Variants in TMEM156 observed in about 807,000 individuals in gnomAD.
TMEM156 encodes the protein transmembrane protein 156.
A neutral mutation model predicts 30.5 loss-of-function variants in TMEM156; 28 were observed. That is an observed-to-expected ratio of 0.92 (90% CI 0.68 to 1.26). The LOEUF (loss-of-function observed/expected upper bound fraction) is 1.26, where lower values mean the gene tolerates loss of function less well. TMEM156 is among the 50% of genes most tolerant of loss of function. The probability of loss-of-function intolerance (pLI) is 0.00; values close to 1 mark genes in which losing one functional copy is unlikely to be tolerated. For synonymous variants in TMEM156, 137 were observed against 119.9 expected, an observed-to-expected ratio of 1.14 and a Z score of -0.93; for missense variants, 351 against 340.6, an observed-to-expected ratio of 1.03 and a Z score of -0.24.
chr4:39,003,894 GTCT>G (rs1713550127), intron 1 of TMEM156, among the ~76,000 whole-genome samples: 1 of 152,208 alleles, frequency 6.6e-6, no homozygotes, highest in East Asian at 1.9e-4. Flanking sequence ...CAATAGTGTA[GTCT>G]TCTTATTCAA....
intron 4 of TMEM156, among the ~76,000 whole-genome samples, chr4:38,987,079 T>C (rs899273539): frequency 2.0e-5 from 3 of 152,200 alleles, no homozygotes; most frequent in African/African-American, 7.2e-5. Context: ...TCCCCACTAC[T>C]GGTCTCCTTC....
chr4:39,025,746 C>A (rs1252046577), intron 1 of TMEM156, among the ~76,000 whole-genome samples: 2 of 152,078 alleles, frequency 1.3e-5, no homozygotes, highest in African/African-American at 4.8e-5. Flanking sequence ...AAGAAAATGG[C>A]AGGAAAATGA....
intron 1 of TMEM156, among the ~76,000 whole-genome samples, chr4:39,027,077 T>A (rs1715244126): frequency 6.6e-6 from 1 of 152,226 alleles, no homozygotes; most frequent in Non-Finnish European, 1.5e-5. Context: ...TAGAAATATT[T>A]GACACATTAC....
At chr4:38,981,529 T>C (rs989951917) in intron 5 of TMEM156, among the ~76,000 whole-genome samples, 10 of 152,194 alleles carry the variant, frequency 6.6e-5, no homozygotes, top group Admixed American at 6.5e-4. Context: ...AGGAAGGCTT[T>C]TGATCTGTGG....
chr4:39,000,508 C>T (rs1713263863), intron 1 of TMEM156, among the ~76,000 whole-genome samples: 2 of 152,168 alleles, frequency 1.3e-5, no homozygotes, highest in South Asian at 4.1e-4. Context: ...GATAAGCCTG[C>T]TAATCTCATG....
intron 1 of TMEM156, among the ~76,000 whole-genome samples, chr4:39,019,485 A>G (rs1296721826): frequency 6.7e-6 from 1 of 148,708 alleles, no homozygotes; most frequent in Non-Finnish European, 1.5e-5. Flanking sequence ...GTGGCAGAGC[A>G]TTGGATCTCC....
chr4:39,032,183 T>G (rs1715562953), intron 1 of TMEM156, 43 bp downstream of exon 1: 1 of 1,319,498 alleles, frequency 7.6e-7, no homozygotes, highest in African/African-American at 1.5e-5. Flanking sequence ...CACTAATTTT[T>G]TTAAATTAAG....
intron 4 of TMEM156, among the ~76,000 whole-genome samples, 169 bp downstream of exon 4, chr4:38,988,682 G>C (rs1385233676): frequency 2.0e-5 from 3 of 152,144 alleles, no homozygotes; most frequent in Admixed American, 2.0e-4. Flanking sequence ...GATGAATGAA[G>C]CTCCTTGCAT....
intron 6 of TMEM156, 112 bp downstream of exon 6, chr4:38,970,920 T>C: frequency 1.5e-6 from 1 of 654,132 alleles, no homozygotes; most frequent in Non-Finnish European, 2.6e-6. Context: ...CTTTGCAAAT[T>C]CATCATTTTC....
chr4:38,997,367 C>T (rs1162970473), intron 2 of TMEM156, among the ~76,000 whole-genome samples: 1 of 152,182 alleles, frequency 6.6e-6, no homozygotes, highest in Non-Finnish European at 1.5e-5. Context: ...GCCCAAGCCT[C>T]ACAATTATAC....
At chr4:38,999,698 T>A (rs28667434) in intron 1 of TMEM156, among the ~76,000 whole-genome samples, 1,585 of 152,304 alleles carry the variant, frequency 0.01, 30 homozygotes, top group African/African-American at 0.036. Flanking sequence ...TTGTACTACC[T>A]CTGGAGGTTC....
chr4:39,015,926 T>C (rs1293509046), intron 1 of TMEM156, among the ~76,000 whole-genome samples: 2 of 152,310 alleles, frequency 1.3e-5, no homozygotes, highest in South Asian at 2.1e-4. Context: ...CCTTCCACCA[T>C]GATTATGAGG....
rs1349215271 is a variant in TMEM156, at chr4:38,989,026, G to A, written c.620-56C>T. On this transcript the variant is annotated intron_variant, in intron 3 of 6. Transcript: ENST00000381938. ...AGTAAAATTATTCAACAGATAAAAG[G>A]CAATGTGGCAGTGTAGCTGAGTTCT... is the stretch of plus-strand genomic sequence containing the variant. 108 of 1,559,026 alleles carry A rather than the reference G, an allele frequency of 6.9e-5. 1 individual carries two copies. Among genetic ancestry groups the A allele is most frequent in the Non-Finnish European group, 9.4e-5 (108 of 1,144,700 alleles).
intron 5 of TMEM156, among the ~76,000 whole-genome samples, chr4:38,986,095 A>G (rs897296419): frequency 2.0e-5 from 3 of 152,364 alleles, no homozygotes; most frequent in Admixed American, 2.0e-4. Flanking sequence ...GCCTACTCAC[A>G]TGAATTTCTT....
At chr4:39,027,129 C>T (rs919884364) in intron 1 of TMEM156, among the ~76,000 whole-genome samples, 7 of 152,058 alleles carry the variant, frequency 4.6e-5, no homozygotes, top group Non-Finnish European at 1.0e-4. Flanking sequence ...AAGTACTTGG[C>T]ATATTACTGG....
intron 4 of TMEM156, 136 bp from the exon 5 acceptor site, chr4:38,986,555 TC>T (rs1326314179): frequency 1.6e-6 from 1 of 634,840 alleles, no homozygotes; most frequent in Non-Finnish European, 2.8e-6. Context: ...ACGCCTGTAA[TC>T]CCAGCACTTT....
intron 1 of TMEM156, among the ~76,000 whole-genome samples, chr4:38,999,110 AT>A (rs34889728): frequency 0.36 from 37,332 of 103,354 alleles, 5,528 homozygotes; most frequent in African/African-American, 0.48. Context: ...TTATTTATTT[AT>A]TTTTTTTTTT....
intron 1 of TMEM156, among the ~76,000 whole-genome samples, chr4:39,009,846 G>C (rs1273066868): frequency 6.6e-6 from 1 of 152,104 alleles, no homozygotes; most frequent in East Asian, 1.9e-4. Context: ...ACAAGACAAA[G>C]ATGTCAACTC....
chr4:38,984,729 T>C (rs1711844573), intron 5 of TMEM156, among the ~76,000 whole-genome samples: 1 of 152,208 alleles, frequency 6.6e-6, no homozygotes. Flanking sequence ...AGAAAGAGTC[T>C]GCCTCTTTCT....
Sources: gnomAD v4.1 joint callset for allele counts (sites outside exome capture counted in the v4.1 genomes callset) on GRCh38, gnomAD v4.1.1 for gene constraint, MANE v1.5 for transcripts, NCBI Gene and HGNC (gene_info 2026-07-23, HGNC 2026-07-21) for gene names.